The following RAPGEF4 variants were observed in gnomAD, a reference collection of about 807,000 sequenced individuals.
RAPGEF4 encodes Rap guanine nucleotide exchange factor 4, also known as RAP guanine-nucleotide-exchange factor (GEF) 4.
RAPGEF4 carries 66 observed loss-of-function variants against 147.9 expected under a neutral mutation model. The observed-to-expected ratio is 0.45, with a 90% confidence interval of 0.37 to 0.55. RAPGEF4 has a LOEUF of 0.55. RAPGEF4 is among the 20% of genes least tolerant of loss of function. RAPGEF4 has a pLI of 0.00. For synonymous variants in RAPGEF4, 419 were observed against 442.7 expected, an observed-to-expected ratio of 0.95 and a Z score of 0.67; for missense variants, 1,071 against 1,257.3, an observed-to-expected ratio of 0.85 and a Z score of 2.24.
At chr2:172,781,757 C>T (rs1684704816) in intron 1 of RAPGEF4, among the ~76,000 whole-genome samples, 1 of 152,132 alleles carries the variant, frequency 6.6e-6, no homozygotes, top group Non-Finnish European at 1.5e-5. Context: ...CACACACAAC[C>T]TAATACAACA....
At position 172,914,073 on chromosome 2, in the gene RAPGEF4, G is replaced by A. The variant is rs1017302228; in HGVS notation, c.445-3729G>A. ...TCCATATCTGTATATAAGTAGTGCCGCTTCATTCTTTGTCATGGCGTCATA... is the reference window on the plus strand; with the variant it reads ...TCCATATCTGTATATAAGTAGTGCCACTTCATTCTTTGTCATGGCGTCATA... On this transcript the variant is annotated intron_variant, in intron 4 of 30. Coordinates refer to ENST00000397081, the MANE Select transcript of RAPGEF4 (RefSeq NM_007023.4). Among the ~76,000 whole-genome samples, 10 of 152,146 alleles carry A rather than the reference G, an allele frequency of 6.6e-5. No homozygotes were observed. In the East Asian group the frequency reaches 1.4e-3, roughly 21 times the overall value.
chr2:172,800,563 A>G (rs144320758), intron 3 of RAPGEF4, among the ~76,000 whole-genome samples: 3 of 152,252 alleles, frequency 2.0e-5, no homozygotes, highest in Non-Finnish European at 4.4e-5. Flanking sequence ...TCACTAAGAG[A>G]TAGAGATAGA....
intron 17 of RAPGEF4, 74 bp downstream of exon 17, chr2:173,001,418 C>T (rs1279697107): frequency 3.8e-6 from 6 of 1,573,710 alleles, no homozygotes; most frequent in African/African-American, 1.4e-5. Context: ...ATTCTTATCT[C>T]ATCTTCTGCA....
At chr2:172,798,094 T>C (rs554881435) in intron 3 of RAPGEF4, among the ~76,000 whole-genome samples, 11 of 152,318 alleles carry the variant, frequency 7.2e-5, no homozygotes, top group Non-Finnish European at 1.5e-4. Flanking sequence ...CTGAAATCTC[T>C]ATTTCTCTGC....
Position 173,030,360 on chromosome 2 carries a change from G to A in RAPGEF4, c.2649+106G>A. The A allele has an allele frequency of 7.0e-6, 6 of 860,970 alleles. No individual in the cohort carries two copies. The South Asian group carries it at 9.1e-5, about 13-fold the overall frequency. The allele number at this position is 860,970 out of a possible 1,614,324, so 53.3% of individuals were successfully genotyped here. On this transcript the variant is annotated intron_variant, in intron 26 of 30. Transcript: ENST00000397081. ...ATATCACTCACACTAGTATAACAATGGGAAAGGTGGGACACTTGGAGGGAG... is the reference window on the plus strand; with the variant it reads ...ATATCACTCACACTAGTATAACAATAGGAAAGGTGGGACACTTGGAGGGAG...
At chr2:172,901,667 A>G (rs1047856114) in intron 4 of RAPGEF4, among the ~76,000 whole-genome samples, 1 of 152,228 alleles carries the variant, frequency 6.6e-6, no homozygotes, top group Non-Finnish European at 1.5e-5. Flanking sequence ...CAGTCCTTCC[A>G]TCAACCATGA....
intron 29 of RAPGEF4, among the ~76,000 whole-genome samples, chr2:173,038,588 A>T (rs1276888394): frequency 6.6e-6 from 1 of 152,036 alleles, no homozygotes; most frequent in Non-Finnish European, 1.5e-5. Context: ...GGCCTGTCGG[A>T]GGTTGGGGAG....
intron 1 of RAPGEF4, among the ~76,000 whole-genome samples, chr2:172,740,663 A>G (rs535549216): frequency 6.6e-6 from 1 of 152,336 alleles, no homozygotes; most frequent in East Asian, 1.9e-4. Context: ...CAGAGGATCA[A>G]AGAAGCACAC....
intron 6 of RAPGEF4, among the ~76,000 whole-genome samples, chr2:172,948,346 A>G (rs1687885093): frequency 1.3e-5 from 2 of 152,200 alleles, no homozygotes; most frequent in Admixed American, 6.5e-5. Context: ...TACCTCTGAA[A>G]TTATAAGCAC....
chr2:172,965,441 G>T, intron 8 of RAPGEF4, 121 bp from the exon 9 acceptor site: 1 of 1,157,632 alleles, frequency 8.6e-7, no homozygotes, highest in South Asian at 1.4e-5. Context: ...TGTTTGCCAT[G>T]AGACCTCTTC....
intron 4 of RAPGEF4, among the ~76,000 whole-genome samples, chr2:172,871,000 C>A (rs1003436980): frequency 1.3e-5 from 2 of 152,124 alleles, no homozygotes; most frequent in Non-Finnish European, 2.9e-5. Context: ...AAAATAAACA[C>A]CACTTGCCTG....
At position 172,983,226 on chromosome 2, in the gene RAPGEF4, C is replaced by G. The variant is rs564400092; in HGVS notation, c.1005-270C>G. 3.1e-4 allele frequency among the ~76,000 whole-genome samples: 47 copies of G among 152,306 alleles called. 1 individual carries two copies. Among genetic ancestry groups the G allele is most frequent in the Non-Finnish European group, 4.4e-5 (3 of 68,020 alleles). On this transcript the variant is annotated intron_variant, in intron 10 of 30. Transcript: ENST00000397081. ...ACAAAGTGAGAGATGAGTTGGCCAA[C>G]TACCATGTGAGTGGAGATGCTCTTC...
In RAPGEF4 at chr2:172,988,257, A is replaced by C. The variant is rs779928726; in HGVS notation, c.1212A>C (p.Val404=). ...WYIILKGSVN[V]VIYGKGVVCT... Reference sequence around the variant, plus strand: ...TTATTCTAAAAGGATCAGTGAATGTAGTCATTTACGGCAAGGTATATATAT... The same window carrying C: ...TTATTCTAAAAGGATCAGTGAATGTCGTCATTTACGGCAAGGTATATATAT... The change falls in exon 13 of 31, where the codon GTA becomes GTC. Residue 404 remains valine, a synonymous_variant. Coordinates refer to ENST00000397081, the MANE Select transcript of RAPGEF4 (RefSeq NM_007023.4). The C allele has an allele frequency of 3.7e-6, 6 of 1,611,974 alleles. No homozygotes were observed. The highest frequency in any genetic ancestry group is 1.7e-4 in the Middle Eastern group (1 of 5,998).
chr2:172,783,134 C>T (rs1303277411), intron 1 of RAPGEF4, among the ~76,000 whole-genome samples: 5 of 152,240 alleles, frequency 3.3e-5, no homozygotes, highest in Non-Finnish European at 7.3e-5. Flanking sequence ...CAGGCCTGGT[C>T]TGGCCCTCTG....
At chr2:172,839,271 G>T (rs1455950062) in intron 4 of RAPGEF4, among the ~76,000 whole-genome samples, 1 of 152,000 alleles carries the variant, frequency 6.6e-6, no homozygotes, top group African/African-American at 2.4e-5. Flanking sequence ...GGGCGAGTCT[G>T]CAGTGCAAAG....
chr2:172,790,481 C>T (rs755145150), intron 1 of RAPGEF4, among the ~76,000 whole-genome samples: 37 of 152,184 alleles, frequency 2.4e-4, no homozygotes, highest in Middle Eastern at 3.4e-3. Context: ...AGCTGTTCAT[C>T]GTTATGAAGG....
chr2:172,882,453 G>A (rs2149859598), intron 4 of RAPGEF4, among the ~76,000 whole-genome samples: 1 of 152,242 alleles, frequency 6.6e-6, no homozygotes, highest in South Asian at 2.1e-4. Flanking sequence ...AGACACCCAG[G>A]ACTAAAATGC....
At chr2:173,032,907 C>T (rs1022945069) in intron 26 of RAPGEF4, among the ~76,000 whole-genome samples, 1 of 152,186 alleles carries the variant, frequency 6.6e-6, no homozygotes, top group African/African-American at 2.4e-5. Flanking sequence ...CCAGGAGTCT[C>T]TGAGACCCAG....
intron 4 of RAPGEF4, among the ~76,000 whole-genome samples, chr2:172,835,766 T>A (rs139901090): frequency 1.3e-5 from 2 of 152,326 alleles, no homozygotes; most frequent in African/African-American, 4.8e-5. Context: ...TATGACTTGC[T>A]AAAAAATATA....
Sources: gnomAD v4.1 joint callset for allele counts (sites outside exome capture counted in the v4.1 genomes callset) on GRCh38, gnomAD v4.1.1 for gene constraint, MANE v1.5 for transcripts, NCBI Gene and HGNC (gene_info 2026-07-23, HGNC 2026-07-21) for gene names.